The following UNC5D variants were observed in gnomAD, a reference collection of about 807,000 sequenced individuals.
UNC5D encodes unc-5 netrin receptor D, also known as netrin receptor UNC5D.
In UNC5D, 39 loss-of-function variants were observed where a neutral mutation model predicts 105.4. The ratio of observed to expected loss-of-function variants is 0.37; its 90% confidence interval spans 0.29 to 0.48. The LOEUF (loss-of-function observed/expected upper bound fraction) is 0.48. UNC5D is among the 20% of genes least tolerant of loss of function. UNC5D has a pLI of 0.98. For missense variants in UNC5D, 991 were observed against 1,202.4 expected, an observed-to-expected ratio of 0.82 and a Z score of 2.60; for synonymous variants, 452 against 450.4, an observed-to-expected ratio of 1.00 and a Z score of -0.04.
In UNC5D at chr8:35,719,261, T is replaced by G. The variant is rs546029135; in HGVS notation, c.1118-2949T>G. On this transcript the variant is annotated intron_variant, in intron 8 of 16. Coordinates refer to ENST00000404895, the MANE Select transcript of UNC5D (RefSeq NM_080872.4). ...AACCTTGGGGCCAGTACTGAACACA[T>G]GAAAGAGAATCACTTCAACTTTTGT... Among the ~76,000 whole-genome samples the G allele has an allele frequency of 4.7e-5, 7 of 150,198 alleles. No individual in the cohort carries two copies. In the South Asian group the frequency reaches 1.5e-3, roughly 32 times the overall value.
chr8:35,334,305 A>G (rs992650880), intron 1 of UNC5D, among the ~76,000 whole-genome samples: 2 of 152,208 alleles, frequency 1.3e-5, no homozygotes, highest in African/African-American at 2.4e-5. Context: ...ACTAGCAAGA[A>G]GGTAACAAAA....
At chr8:35,544,679 G>A (rs1208044776) in intron 1 of UNC5D, 9 of 1,080,914 alleles carry the variant, frequency 8.3e-6, no homozygotes, top group South Asian at 7.0e-5. Context: ...CACGGCTCAC[G>A]GCAACCTCTG....
intron 1 of UNC5D, among the ~76,000 whole-genome samples, chr8:35,448,912 C>T (rs1427751789): frequency 1.3e-5 from 2 of 151,976 alleles, no homozygotes. Flanking sequence ...GCCTCCAGTT[C>T]CATCCATGTT....
intron 14 of UNC5D, among the ~76,000 whole-genome samples, chr8:35,766,382 G>C (rs1425464009): frequency 6.6e-6 from 1 of 151,860 alleles, no homozygotes; most frequent in Non-Finnish European, 1.5e-5. Flanking sequence ...TTTGCACTGG[G>C]TATTAATTTT....
intron 1 of UNC5D, among the ~76,000 whole-genome samples, chr8:35,292,443 T>C (rs1807140424): frequency 6.6e-6 from 1 of 152,230 alleles, no homozygotes. Flanking sequence ...AAAAATTTTG[T>C]TCTAATTATT....
chr8:35,747,155 G>A (rs1024359215), intron 11 of UNC5D, among the ~76,000 whole-genome samples: 1 of 152,152 alleles, frequency 6.6e-6, no homozygotes, highest in Non-Finnish European at 1.5e-5. Context: ...TCTTGGAGAG[G>A]GGAGGAGACA....
intron 1 of UNC5D, among the ~76,000 whole-genome samples, chr8:35,539,875 C>CT (rs1815143810): frequency 6.6e-6 from 1 of 152,048 alleles, no homozygotes; most frequent in Non-Finnish European, 1.5e-5. Context: ...TTTGTTTCGT[C>CT]TTTTTGTCAT....
chr8:35,453,622 C>T (rs528062739), intron 1 of UNC5D, among the ~76,000 whole-genome samples: 4 of 152,106 alleles, frequency 2.6e-5, no homozygotes, highest in Non-Finnish European at 4.4e-5. Context: ...AGAGAAAGTC[C>T]TCTGGCATTT....
At chr8:35,623,562 C>T (rs1049071726) in intron 4 of UNC5D, among the ~76,000 whole-genome samples, 17 of 152,122 alleles carry the variant, frequency 1.1e-4, no homozygotes, top group Admixed American at 7.9e-4. Context: ...CTCGGGGCCG[C>T]GAGTGGCTCC....
At chr8:35,248,314 AATATAT>A in intron 1 of UNC5D, among the ~76,000 whole-genome samples, 1 of 115,492 alleles carries the variant, frequency 8.7e-6, no homozygotes, top group Non-Finnish European at 1.6e-5. Context: ...ATAATATATA[AATATAT>A]GTTATATAAA....
intron 1 of UNC5D, among the ~76,000 whole-genome samples, chr8:35,505,173 A>T (rs1227072342): frequency 4.6e-5 from 7 of 152,228 alleles, no homozygotes; most frequent in Non-Finnish European, 1.5e-5. Context: ...ACCCACAAAA[A>T]TCAAAAATTA....
intron 3 of UNC5D, among the ~76,000 whole-genome samples, chr8:35,585,526 ATGTGTGTGTGTG>A (rs10570182): frequency 1.3e-5 from 2 of 148,842 alleles, no homozygotes; most frequent in Admixed American, 6.7e-5. Flanking sequence ...CAACCATAAT[ATGTGTGTGTGTG>A]TGTGTGTGTG....
chr8:35,280,820 A>G (rs150916318), intron 1 of UNC5D, among the ~76,000 whole-genome samples: 1 of 152,206 alleles, frequency 6.6e-6, no homozygotes, highest in African/African-American at 2.4e-5. Context: ...TTCCCCATAG[A>G]TTCATTCCAT....
At chr8:35,776,797 A>G (rs2131749891) in intron 16 of UNC5D, among the ~76,000 whole-genome samples, 1 of 152,318 alleles carries the variant, frequency 6.6e-6, no homozygotes, top group South Asian at 2.1e-4. Flanking sequence ...ACAATAGCAC[A>G]AATATATGGA....
intron 4 of UNC5D, among the ~76,000 whole-genome samples, chr8:35,630,152 G>A (rs1015279345): frequency 2.6e-5 from 4 of 152,120 alleles, no homozygotes; most frequent in African/African-American, 9.7e-5. Context: ...CACAATAGAT[G>A]AACTCTGGCC....
rs961814863 is a variant in UNC5D, at chr8:35,794,748, G to A, written c.*4185G>A. The A allele has an allele frequency of 2.6e-5, 4 of 152,550 alleles. No homozygotes were observed. Among genetic ancestry groups the A allele is most frequent in the African/African-American group, 9.7e-5 (4 of 41,448 alleles). The allele number at this position is 152,550 out of a possible 1,614,324, so 9.4% of individuals were successfully genotyped here. On this transcript the variant is annotated 3_prime_UTR_variant, in exon 17 of 17. Coordinates refer to ENST00000404895, the MANE Select transcript of UNC5D (RefSeq NM_080872.4). Reference sequence around the variant, plus strand: ...AGCTGTTTGGCTGTATTGACAGCATGTGGTGTTTTTACAAAAGCAATTCTA... The same window carrying A: ...AGCTGTTTGGCTGTATTGACAGCATATGGTGTTTTTACAAAAGCAATTCTA...
chr8:35,570,875 T>C (rs946876196), intron 3 of UNC5D, among the ~76,000 whole-genome samples: 2 of 151,954 alleles, frequency 1.3e-5, no homozygotes, highest in Non-Finnish European at 2.9e-5. Flanking sequence ...GGAGAATCAC[T>C]TGAACCCGGG....
chr8:35,670,668 T>C (rs1824727969), intron 4 of UNC5D, among the ~76,000 whole-genome samples: 1 of 151,650 alleles, frequency 6.6e-6, no homozygotes, highest in South Asian at 2.1e-4. Context: ...TGAGAACACA[T>C]GGACACAGGG....
At chr8:35,522,714 T>C (rs1307184567) in intron 1 of UNC5D, among the ~76,000 whole-genome samples, 1 of 152,196 alleles carries the variant, frequency 6.6e-6, no homozygotes, top group Non-Finnish European at 1.5e-5. Flanking sequence ...AAGATACTCA[T>C]CTTGTTTATA....
Sources: allele counts gnomAD v4.1 joint callset (sites outside exome capture counted in the v4.1 genomes callset), GRCh38; gene constraint gnomAD v4.1.1; transcripts MANE v1.5; gene names NCBI Gene and HGNC (gene_info 2026-07-23, HGNC 2026-07-21).